Variants in MED12L observed in about 807,000 individuals in gnomAD.
MED12L encodes mediator complex subunit 12L.
A neutral mutation model predicts 281.3 loss-of-function variants in MED12L; 60 were observed. That is an observed-to-expected ratio of 0.21 (90% CI 0.17 to 0.26). The LOEUF is 0.26. Among genes scored for constraint, MED12L ranks in the 10% least tolerant of loss-of-function variants. The pLI, the probability that MED12L is intolerant of heterozygous loss-of-function variation, is 1.00. For synonymous variants in MED12L, 974 were observed against 987.2 expected (o/e 0.99, Z 0.25); for missense variants, 2,146 against 2,680.9 (o/e 0.80, Z 4.41).
Position 151,355,820 on chromosome 3 carries a change from A to G in MED12L, c.2518-76A>G, listed in dbSNP as rs1272646289. 7.4e-6 allele frequency: 10 copies of G among 1,352,472 alleles called. No homozygotes were observed. In the Admixed American group the frequency reaches 2.3e-4, roughly 31 times the overall value. The allele number at this position is 1,352,472 out of a possible 1,614,324, so 83.8% of individuals were successfully genotyped here. On this transcript the variant is annotated intron_variant, in intron 18 of 44. Coordinates refer to ENST00000687756, the MANE Select transcript of MED12L (RefSeq NM_001393769.1). Reference sequence around the variant, plus strand: ...CATGTATAGATTCAACTGTCTTAAAAAGTAAAAATGATTTATCTTAGTAAA... The same window carrying G: ...CATGTATAGATTCAACTGTCTTAAAGAGTAAAAATGATTTATCTTAGTAAA...
chr3:151,364,581 A>G (rs1755051564), intron 21 of MED12L, among the ~76,000 whole-genome samples: 1 of 152,204 alleles, frequency 6.6e-6, no homozygotes, highest in Admixed American at 6.5e-5. Context: ...TGTAATTAAG[A>G]GTACTCTTAT....
chr3:151,416,493 A>T, intron 43 of MED12L, 71 bp downstream of exon 43: 2 of 1,516,398 alleles, frequency 1.3e-6, no homozygotes, highest in Non-Finnish European at 1.8e-6. Context: ...GTTCATGTTC[A>T]TAAGATTGTT....
intron 4 of MED12L, 91 bp from the exon 5 acceptor site, chr3:151,127,734 A>T: frequency 1.1e-6 from 1 of 882,480 alleles, no homozygotes; most frequent in Non-Finnish European, 1.7e-6. Flanking sequence ...TAACTTACAG[A>T]CTCTTTCTTT....
chr3:151,237,215 T>C (rs1733017806), intron 16 of MED12L, among the ~76,000 whole-genome samples: 1 of 151,672 alleles, frequency 6.6e-6, no homozygotes, highest in South Asian at 2.1e-4. Flanking sequence ...ATTTTTTGTA[T>C]TTTTAGTAGA....
intron 5 of MED12L, among the ~76,000 whole-genome samples, chr3:151,131,463 A>T (rs1715382858): frequency 6.6e-6 from 1 of 151,802 alleles, no homozygotes; most frequent in Admixed American, 6.6e-5. Context: ...AAAAATTAGT[A>T]AGGTGTGGTG....
chr3:151,271,262 A>G (rs1031856292), intron 16 of MED12L, among the ~76,000 whole-genome samples: 1 of 152,250 alleles, frequency 6.6e-6, no homozygotes, highest in African/African-American at 2.4e-5. Context: ...AGCACATGAA[A>G]AGATTCTCAG....
intron 16 of MED12L, among the ~76,000 whole-genome samples, chr3:151,273,186 A>C (rs551831670): frequency 6.6e-6 from 1 of 151,820 alleles, no homozygotes; most frequent in South Asian, 2.1e-4. Flanking sequence ...ATTGGGAAAG[A>C]AGATGATGCT....
intron 16 of MED12L, among the ~76,000 whole-genome samples, chr3:151,254,687 T>C (rs1737493592): frequency 6.6e-6 from 1 of 152,246 alleles, no homozygotes; most frequent in African/African-American, 2.4e-5. Flanking sequence ...GATAAAACTT[T>C]CGCAGCATAG....
intron 21 of MED12L, among the ~76,000 whole-genome samples, chr3:151,361,169 A>T (rs1462776884): frequency 6.6e-6 from 1 of 152,042 alleles, no homozygotes; most frequent in African/African-American, 2.4e-5. Flanking sequence ...TTTCCTGGTG[A>T]CTCATAGAAG....
intron 5 of MED12L, among the ~76,000 whole-genome samples, chr3:151,139,993 T>C (rs761131856): frequency 9.9e-5 from 15 of 152,204 alleles, no homozygotes; most frequent in Non-Finnish European, 1.9e-4. Context: ...CTGGAAGATA[T>C]CTTGCTGTAA....
chr3:151,238,733 C>T (rs1401917931), intron 16 of MED12L, among the ~76,000 whole-genome samples: 1 of 152,080 alleles, frequency 6.6e-6, no homozygotes, highest in African/African-American at 2.4e-5. Flanking sequence ...CTTAATAAAG[C>T]AATACTAGTT....
intron 2 of MED12L, among the ~76,000 whole-genome samples, chr3:151,091,038 C>T (rs1442177151): frequency 1.3e-5 from 2 of 152,046 alleles, no homozygotes; most frequent in Non-Finnish European, 2.9e-5. Flanking sequence ...AAGACTGCAT[C>T]TCAAAAACAA....
At chr3:151,091,514 G>A (rs1306286575) in intron 2 of MED12L, among the ~76,000 whole-genome samples, 2 of 152,196 alleles carry the variant, frequency 1.3e-5, no homozygotes. Flanking sequence ...TTCTGCAGGG[G>A]CTAGAGCATT....
intron 43 of MED12L, among the ~76,000 whole-genome samples, chr3:151,426,940 C>T (rs1398501541): frequency 6.6e-6 from 1 of 151,868 alleles, no homozygotes; most frequent in Non-Finnish European, 1.5e-5. Flanking sequence ...ACATCAGCCT[C>T]CTAAATAGCT....
rs139556338 is a variant in MED12L, at chr3:151,257,033, A to G, written c.2250+63367A>G. Among the ~76,000 whole-genome samples, 44 of 152,192 alleles carry G rather than the reference A, an allele frequency of 2.9e-4. No homozygotes were observed. In the East Asian group the frequency reaches 7.9e-3, roughly 27 times the overall value. ...TTAGAAGCACATGGATTTGAAAACA[A>G]CAGAAAAGCAGCACGATACAGCTGC... On this transcript the variant is annotated intron_variant, in intron 16 of 44. Coordinates refer to ENST00000687756, the MANE Select transcript of MED12L (RefSeq NM_001393769.1).
At chr3:151,156,433 CA>C (rs1719295518) in intron 6 of MED12L, 103 bp downstream of exon 6, 2 of 1,082,720 alleles carry the variant, frequency 1.8e-6, no homozygotes, top group Non-Finnish European at 2.6e-6. Flanking sequence ...TTACATGAAC[CA>C]ATACATTCAA....
chr3:151,337,867 T>G (rs770610708), intron 16 of MED12L: 2 of 1,614,156 alleles, frequency 1.2e-6, no homozygotes, highest in Non-Finnish European at 1.7e-6. Context: ...TCTTTTTTCC[T>G]ATTGTCCTGG....
At chr3:151,266,119 T>C (rs1292354780) in intron 16 of MED12L, among the ~76,000 whole-genome samples, 1 of 152,210 alleles carries the variant, frequency 6.6e-6, no homozygotes, top group African/African-American at 2.4e-5. Context: ...TTCTCCTTAG[T>C]GCTTTTGTTT....
At chr3:151,330,681 A>G (rs750758629) in intron 16 of MED12L, among the ~76,000 whole-genome samples, 12 of 152,084 alleles carry the variant, frequency 7.9e-5, no homozygotes, top group Admixed American at 2.0e-4. Context: ...GAGAAGAAAA[A>G]CTTAATATCC....
Sources: allele counts gnomAD v4.1 joint callset (sites outside exome capture counted in the v4.1 genomes callset), GRCh38; gene constraint gnomAD v4.1.1; transcripts MANE v1.5; gene names NCBI Gene and HGNC (gene_info 2026-07-23, HGNC 2026-07-21).